The following CNTN4 variants were observed in gnomAD, a reference collection of about 807,000 sequenced individuals.
CNTN4 encodes contactin 4.
CNTN4 carries 77 observed loss-of-function variants against 122.5 expected under a neutral mutation model. The ratio of observed to expected loss-of-function variants is 0.63; its 90% CI spans 0.52 to 0.76. CNTN4 has a LOEUF of 0.76. Among genes scored for constraint, CNTN4 ranks in the 30% least tolerant of loss-of-function variants. The probability of loss-of-function intolerance (pLI) is 0.00; values close to 1 mark genes in which losing one functional copy is unlikely to be tolerated. For missense variants in CNTN4, 1,256 were observed against 1,259.1 expected (o/e 1.00, Z 0.04); for synonymous variants, 512 against 447.0 (o/e 1.15, Z -1.83).
chr3:2,932,356 T>C (rs947831165), intron 13 of CNTN4, among the ~76,000 whole-genome samples: 9 of 152,066 alleles, frequency 5.9e-5, no homozygotes, highest in Non-Finnish European at 7.4e-5. Context: ...CCAGCCTGAG[T>C]GACAGAGCGA....
chr3:2,124,548 G>C (rs991477120), intron 2 of CNTN4, among the ~76,000 whole-genome samples: 1 of 151,690 alleles, frequency 6.6e-6, no homozygotes, highest in Non-Finnish European at 1.5e-5. Flanking sequence ...GACCACTTGA[G>C]CCCAGGAGTT....
chr3:2,839,879 G>C (rs1158396804), intron 7 of CNTN4, among the ~76,000 whole-genome samples: 2 of 152,152 alleles, frequency 1.3e-5, no homozygotes, highest in Non-Finnish European at 1.5e-5. Context: ...GGAACAGTCC[G>C]AATAGCAATC....
intron 2 of CNTN4, among the ~76,000 whole-genome samples, chr3:2,114,658 A>G (rs2033216694): frequency 6.6e-6 from 1 of 152,194 alleles, no homozygotes; most frequent in African/African-American, 2.4e-5. Context: ...GACCACCAAC[A>G]AGCAGTGACT....
At chr3:2,133,617 T>G (rs1361546717) in intron 2 of CNTN4, among the ~76,000 whole-genome samples, 1 of 152,206 alleles carries the variant, frequency 6.6e-6, no homozygotes, top group East Asian at 1.9e-4. Context: ...GGGGAAAATT[T>G]TAGGTAGTAA....
intron 4 of CNTN4, among the ~76,000 whole-genome samples, chr3:2,647,382 TAAATAA>T (rs1205468845): frequency 8.6e-5 from 1 of 11,592 alleles, no homozygotes; most frequent in Non-Finnish European, 1.5e-4. Context: ...ACTCATCTCA[TAAATAA>T]ATAAATAAAT....
intron 13 of CNTN4, among the ~76,000 whole-genome samples, chr3:2,929,627 C>T (rs2094502780): frequency 6.6e-6 from 1 of 152,224 alleles, no homozygotes; most frequent in Non-Finnish European, 1.5e-5. Context: ...GTCTCGCTCT[C>T]TTCCTGTCTC....
intron 6 of CNTN4, among the ~76,000 whole-genome samples, chr3:2,807,476 CTT>C (rs201984402): frequency 2.1e-5 from 3 of 145,458 alleles, no homozygotes; most frequent in African/African-American, 2.5e-5. Context: ...ATATACAGAA[CTT>C]TTTTTTTTTT....
intron 3 of CNTN4, among the ~76,000 whole-genome samples, chr3:2,558,816 T>C (rs929392726): frequency 6.6e-6 from 1 of 152,200 alleles, no homozygotes; most frequent in Admixed American, 6.5e-5. Flanking sequence ...GTGCTGTCCT[T>C]TGGAGATTCT....
chr3:2,962,161 C>A (rs1035538303), intron 13 of CNTN4, among the ~76,000 whole-genome samples: 28 of 152,228 alleles, frequency 1.8e-4, no homozygotes, highest in African/African-American at 6.5e-4. Flanking sequence ...TTATCTGGAT[C>A]TCTTCTGCCA....
chr3:2,158,569 A>C (rs1026244213), intron 2 of CNTN4, among the ~76,000 whole-genome samples: 1 of 152,222 alleles, frequency 6.6e-6, no homozygotes, highest in African/African-American at 2.4e-5. Context: ...ACGTAGACTA[A>C]ATGGAGTGAA....
chr3:2,460,737 A>G (rs1038157370), intron 3 of CNTN4, among the ~76,000 whole-genome samples: 4 of 152,202 alleles, frequency 2.6e-5, no homozygotes, highest in African/African-American at 9.6e-5. Context: ...CTTTTCTTAT[A>G]GATTAGTCTA....
Position 2,867,386 on chromosome 3 carries a change from A to G in CNTN4, c.652+437A>G, listed in dbSNP as rs1164495171. Among the ~76,000 whole-genome samples the G allele has an allele frequency of 2.0e-5, 3 of 152,242 alleles. No homozygotes were observed. In the East Asian group the frequency reaches 5.8e-4, roughly 29 times the overall value. On this transcript the variant is annotated intron_variant, in intron 8 of 24. Transcript: ENST00000418658. ...CATAGTTCCCACCACAGTGAAATGTAGACATAACAAGGCTTGTTTGAGACA... is the reference window on the plus strand; with the variant it reads ...CATAGTTCCCACCACAGTGAAATGTGGACATAACAAGGCTTGTTTGAGACA...
At chr3:2,629,338 C>T (rs987023348) in intron 4 of CNTN4, among the ~76,000 whole-genome samples, 1 of 152,210 alleles carries the variant, frequency 6.6e-6, no homozygotes, top group South Asian at 2.1e-4. Flanking sequence ...AAATAAATTT[C>T]TGTTGTTTCA....
intron 4 of CNTN4, among the ~76,000 whole-genome samples, chr3:2,588,924 G>T (rs373504243): frequency 1.2e-4 from 18 of 151,924 alleles, no homozygotes; most frequent in Middle Eastern, 3.4e-3. Flanking sequence ...GTAAATATTT[G>T]TTGTGTATTT....
chr3:2,794,778 A>C (rs994932003), intron 6 of CNTN4, among the ~76,000 whole-genome samples: 3 of 152,216 alleles, frequency 2.0e-5, no homozygotes, highest in African/African-American at 7.2e-5. Context: ...GGGAAGTACT[A>C]AATCAAGACA....
At chr3:2,777,968 A>T (rs1033470001) in intron 6 of CNTN4, among the ~76,000 whole-genome samples, 10 of 152,044 alleles carry the variant, frequency 6.6e-5, no homozygotes, top group Non-Finnish European at 1.0e-4. Context: ...TAATGCCAGC[A>T]CTTTGGGAGG....
intron 3 of CNTN4, among the ~76,000 whole-genome samples, chr3:2,343,982 G>C (rs563443180): frequency 1.3e-5 from 2 of 152,126 alleles, no homozygotes; most frequent in Non-Finnish European, 1.5e-5. Context: ...AGAGAGAGGC[G>C]AATCTCTTTT....
chr3:2,761,368 T>C (rs1439326271), intron 6 of CNTN4, among the ~76,000 whole-genome samples: 1 of 152,082 alleles, frequency 6.6e-6, no homozygotes, highest in East Asian at 1.9e-4. Context: ...AATGATAGTA[T>C]TTGAGAATTA....
chr3:2,437,755 G>A (rs967938342), intron 3 of CNTN4, among the ~76,000 whole-genome samples: 17 of 152,316 alleles, frequency 1.1e-4, no homozygotes, highest in African/African-American at 4.1e-4. Context: ...AAACTCTGAA[G>A]CGTGAAGCGT....
Sources: gnomAD v4.1 joint callset for allele counts (sites outside exome capture counted in the v4.1 genomes callset) on GRCh38, gnomAD v4.1.1 for gene constraint, MANE v1.5 for transcripts, NCBI Gene and HGNC (gene_info 2026-07-23, HGNC 2026-07-21) for gene names.